The following ARHGAP42 variants were observed in gnomAD, a reference collection of about 807,000 sequenced individuals.
The protein encoded by ARHGAP42 is Rho GTPase activating protein 42.
ARHGAP42 carries 63 observed loss-of-function variants against 125.0 expected under a neutral mutation model. The ratio of observed to expected loss-of-function variants is 0.50; its 90% CI spans 0.41 to 0.62. The LOEUF is 0.62. ARHGAP42 is among the 20% of genes least tolerant of loss of function. ARHGAP42 has a pLI of 0.00. For synonymous variants in ARHGAP42, 339 were observed against 351.0 expected, an observed-to-expected ratio of 0.97 and a Z score of 0.38; for missense variants, 766 against 1,024.2, an observed-to-expected ratio of 0.75 and a Z score of 3.44.
intron 5 of ARHGAP42, among the ~76,000 whole-genome samples, chr11:100,921,214 CATATATATATAT>C (rs1555024757): frequency 8.3e-5 from 3 of 36,286 alleles, no homozygotes; most frequent in Non-Finnish European, 1.4e-4. Context: ...TATATATATA[CATATATATATAT>C]ATATATATAT....
At chr11:100,988,652 G>C in intron 23 of ARHGAP42, 61 bp from the exon 24 acceptor site, 1 of 1,380,874 alleles carries the variant, frequency 7.2e-7, no homozygotes, top group South Asian at 1.3e-5. Flanking sequence ...TAACCCATCT[G>C]TTTATATAAT....
At chr11:100,987,712 C>G in intron 23 of ARHGAP42, 120 bp downstream of exon 23, 3 of 898,326 alleles carry the variant, frequency 3.3e-6, no homozygotes, top group Admixed American at 2.1e-5. Flanking sequence ...TGTCCTGCCT[C>G]TCATAACGGG....
intron 3 of ARHGAP42, among the ~76,000 whole-genome samples, chr11:100,813,919 G>A (rs1864205460): frequency 6.6e-6 from 1 of 152,308 alleles, no homozygotes; most frequent in South Asian, 2.1e-4. Context: ...AACAGGCCGG[G>A]TGCAGTGGCT....
At chr11:100,751,391 T>C (rs117351088) in intron 1 of ARHGAP42, among the ~76,000 whole-genome samples, 1,827 of 150,558 alleles carry the variant, frequency 0.012, 12 homozygotes, top group Middle Eastern at 0.038. Flanking sequence ...CAAGCGATTC[T>C]CCTGCGCCAG....
chr11:100,791,713 GT>G (rs1304223036), intron 2 of ARHGAP42, among the ~76,000 whole-genome samples: 1 of 151,380 alleles, frequency 6.6e-6, no homozygotes, highest in Non-Finnish European at 1.5e-5. Context: ...AAGAAAATTT[GT>G]TGTCAGATTG....
chr11:100,841,860 G>A (rs979347777), intron 3 of ARHGAP42, among the ~76,000 whole-genome samples: 8 of 152,072 alleles, frequency 5.3e-5, no homozygotes, highest in South Asian at 4.1e-4. Flanking sequence ...CCCTACTGCC[G>A]TCATTTTTTG....
intron 1 of ARHGAP42, among the ~76,000 whole-genome samples, chr11:100,753,032 G>A (rs1353977531): frequency 6.6e-6 from 1 of 152,124 alleles, no homozygotes; most frequent in African/African-American, 2.4e-5. Flanking sequence ...GGGGCCGTAG[G>A]GCTCCCAGAA....
At chr11:100,773,690 A>T (rs561816234) in intron 2 of ARHGAP42, among the ~76,000 whole-genome samples, 2 of 152,326 alleles carry the variant, frequency 1.3e-5, no homozygotes, top group South Asian at 4.1e-4. Context: ...AGTGAACTTG[A>T]TATCTCAACA....
chr11:100,693,160 G>GTT (rs11453104), intron 1 of ARHGAP42, among the ~76,000 whole-genome samples: 2,187 of 141,896 alleles, frequency 0.015, 75 homozygotes, highest in African/African-American at 0.052. Flanking sequence ...TTGCACGTAG[G>GTT]TTTTTTTTTT....
intron 1 of ARHGAP42, among the ~76,000 whole-genome samples, chr11:100,709,554 A>G (rs1474442594): frequency 6.6e-6 from 1 of 152,106 alleles, no homozygotes; most frequent in African/African-American, 2.4e-5. Flanking sequence ...TCCATTTAAT[A>G]TTTCAGACCT....
intron 1 of ARHGAP42, among the ~76,000 whole-genome samples, chr11:100,737,779 T>A (rs1418548889): frequency 6.6e-6 from 1 of 152,246 alleles, no homozygotes; most frequent in African/African-American, 2.4e-5. Flanking sequence ...CAGCTTCTTA[T>A]TGGCAGTAAA....
intron 5 of ARHGAP42, among the ~76,000 whole-genome samples, chr11:100,915,117 G>A (rs1867028922): frequency 6.6e-6 from 1 of 152,092 alleles, no homozygotes; most frequent in Non-Finnish European, 1.5e-5. Context: ...GAAAGATTTT[G>A]ATGCTAAACT....
chr11:100,888,099 T>A, intron 4 of ARHGAP42, among the ~76,000 whole-genome samples: 1 of 152,224 alleles, frequency 6.6e-6, no homozygotes, highest in Non-Finnish European at 1.5e-5. Flanking sequence ...CAGAAACTTC[T>A]TCATGGTGGA....
At chr11:100,811,701 T>C (rs1269134118) in intron 3 of ARHGAP42, among the ~76,000 whole-genome samples, 2 of 151,982 alleles carry the variant, frequency 1.3e-5, no homozygotes, top group African/African-American at 4.8e-5. Flanking sequence ...GGTTTCATCA[T>C]GTTAGCCAGG....
chr11:100,800,860 A>G (rs1017129006), intron 3 of ARHGAP42, among the ~76,000 whole-genome samples: 8 of 152,202 alleles, frequency 5.3e-5, no homozygotes, highest in Non-Finnish European at 1.0e-4. Flanking sequence ...ACAAATCTAA[A>G]CATTGCAGTG....
chr11:100,726,581 C>T (rs915557093), intron 1 of ARHGAP42, among the ~76,000 whole-genome samples: 27 of 152,212 alleles, frequency 1.8e-4, no homozygotes, highest in African/African-American at 6.3e-4. Flanking sequence ...TTTCAAAGGA[C>T]GAAAACTTAT....
chr11:100,687,562 C>T lies in ARHGAP42; in HGVS notation c.-117C>T. 1 of 768,372 alleles carries T rather than the reference C, an allele frequency of 1.3e-6. No homozygotes were observed. The highest frequency in any genetic ancestry group is 1.7e-6 in the Non-Finnish European group (1 of 592,600). 47.6% of individuals were successfully genotyped at this position (768,372 alleles called of 1,614,324 possible). ...TTCCTCCGCGCAATCAGTCCCCTCGCGTCCCGGCGCCTTCCCCGCGATCGC... is the reference window on the plus strand; with the variant it reads ...TTCCTCCGCGCAATCAGTCCCCTCGTGTCCCGGCGCCTTCCCCGCGATCGC... On this transcript the variant is annotated 5_prime_UTR_variant, in exon 1 of 24. Transcript: ENST00000298815.
At chr11:100,753,246 A>T (rs1443226385) in intron 1 of ARHGAP42, among the ~76,000 whole-genome samples, 1 of 152,080 alleles carries the variant, frequency 6.6e-6, no homozygotes, top group Non-Finnish European at 1.5e-5. Context: ...TCGCTCAGGG[A>T]GTGGGGAGTA....
At chr11:100,959,977 G>A in intron 13 of ARHGAP42, 32 bp downstream of exon 13, 1 of 1,525,464 alleles carries the variant, frequency 6.6e-7, no homozygotes, top group Non-Finnish European at 8.9e-7. Context: ...CAGCATCCCT[G>A]TCATGTGTCT....
Sources: allele counts gnomAD v4.1 joint callset (sites outside exome capture counted in the v4.1 genomes callset), GRCh38; gene constraint gnomAD v4.1.1; transcripts MANE v1.5; gene names NCBI Gene and HGNC (gene_info 2026-07-23, HGNC 2026-07-21).